EYA1: variants seen among roughly 807,000 people sequenced by gnomAD.
EYA1 encodes the protein protein phosphatase EYA1.
Under a neutral mutation model 82.0 loss-of-function variants are expected in EYA1, and 16 were observed. The observed-to-expected ratio is 0.20, with a 90% CI of 0.13 to 0.30. The LOEUF (loss-of-function observed/expected upper bound fraction) is 0.30, where lower values mean the gene tolerates loss of function less well. EYA1 is among the 10% of genes least tolerant of loss of function. EYA1 has a pLI of 1.00. For synonymous variants in EYA1, 261 were observed against 264.4 expected, an observed-to-expected ratio of 0.99 and a Z score of 0.12; for missense variants, 633 against 730.7, an observed-to-expected ratio of 0.87 and a Z score of 1.54.
At chr8:71,442,070 G>A (rs1018579018) in intron 2 of EYA1, among the ~76,000 whole-genome samples, 1 of 152,180 alleles carries the variant, frequency 6.6e-6, no homozygotes, top group Admixed American at 6.5e-5. Context: ...TGCTGCTTAA[G>A]CCACCTAGTT....
intron 7 of EYA1, among the ~76,000 whole-genome samples, chr8:71,301,738 C>A (rs1203153811): frequency 6.6e-6 from 1 of 152,120 alleles, no homozygotes; most frequent in Non-Finnish European, 1.5e-5. Context: ...TAGTAGCCAC[C>A]ACAATTAGCC....
intron 4 of EYA1, among the ~76,000 whole-genome samples, chr8:71,332,812 A>T (rs1337997568): frequency 6.6e-6 from 1 of 152,164 alleles, no homozygotes. Flanking sequence ...TACACACACC[A>T]GGAACCCTGA....
intron 2 of EYA1, among the ~76,000 whole-genome samples, chr8:71,411,777 G>A (rs1218718536): frequency 2.1e-5 from 3 of 143,268 alleles, no homozygotes; most frequent in Admixed American, 6.9e-5. Context: ...TTACACTGTT[G>A]CTGGGACTGT....
intron 2 of EYA1, among the ~76,000 whole-genome samples, chr8:71,483,009 C>T (rs1810289808): frequency 6.6e-6 from 1 of 152,150 alleles, no homozygotes; most frequent in Non-Finnish European, 1.5e-5. Flanking sequence ...CTGAATTGGT[C>T]ACCTGATTCT....
intron 2 of EYA1, among the ~76,000 whole-genome samples, chr8:71,516,736 C>T (rs1027211807): frequency 2.0e-5 from 3 of 152,028 alleles, no homozygotes; most frequent in Non-Finnish European, 4.4e-5. Flanking sequence ...CTGGGCTTTC[C>T]CACATTCCTG....
In EYA1 at chr8:71,313,199, G is replaced by A. The variant is rs972006; in HGVS notation, c.556+4353C>T. Among the ~76,000 whole-genome samples, 958 of 151,884 alleles carry A rather than the reference G, an allele frequency of 6.3e-3. 12 individuals carry two copies. Among genetic ancestry groups the A allele is most frequent in the African/African-American group, 0.022 (907 of 41,380 alleles). On this transcript the variant is annotated intron_variant, in intron 7 of 17. Transcript: ENST00000340726. ...TTTTTCTTCATGTTGTTTCTCCCCC[G>A]CTTTTTCGGTATCATGTACAAAAAG...
chr8:71,476,936 A>AT (rs1257033571), intron 2 of EYA1, among the ~76,000 whole-genome samples: 4 of 152,048 alleles, frequency 2.6e-5, no homozygotes, highest in Non-Finnish European at 4.4e-5. Context: ...ATCTAGGTCG[A>AT]TTTTTTTTCA....
chr8:71,247,872 A>G (rs1442246254), intron 11 of EYA1, among the ~76,000 whole-genome samples: 1 of 152,190 alleles, frequency 6.6e-6, no homozygotes, highest in Non-Finnish European at 1.5e-5. Context: ...AACCATGTCA[A>G]TGAATCTTTT....
At chr8:71,238,131 ATTTTTT>A (rs375370160) in intron 12 of EYA1, among the ~76,000 whole-genome samples, 14 of 151,876 alleles carry the variant, frequency 9.2e-5, no homozygotes, top group African/African-American at 3.1e-4. Flanking sequence ...TCATTCTTTC[ATTTTTT>A]AACTGTTTAC....
At chr8:71,418,044 T>G (rs1467839943) in intron 2 of EYA1, among the ~76,000 whole-genome samples, 3 of 152,184 alleles carry the variant, frequency 2.0e-5, no homozygotes, top group Admixed American at 2.0e-4. Context: ...CATTCTTGCC[T>G]CATCTACTAA....
At chr8:71,285,805 T>C (rs1188454730) in intron 9 of EYA1, among the ~76,000 whole-genome samples, 1 of 152,224 alleles carries the variant, frequency 6.6e-6, no homozygotes, top group Non-Finnish European at 1.5e-5. Context: ...TTTTGCAAGG[T>C]AATTTCTTCC....
intron 6 of EYA1, among the ~76,000 whole-genome samples, chr8:71,321,347 T>C (rs766121318): frequency 6.6e-6 from 1 of 152,176 alleles, no homozygotes; most frequent in Non-Finnish European, 1.5e-5. Flanking sequence ...ACGTTCCTAA[T>C]CACAGCTAGG....
At position 71,394,213 on chromosome 8, in the gene EYA1, T is replaced by G. The variant is rs574120795; in HGVS notation, c.34-37702A>C. 4.3e-3 allele frequency among the ~76,000 whole-genome samples: 653 copies of G among 152,360 alleles called. 3 individuals carry two copies. Among genetic ancestry groups the G allele is most frequent in the South Asian group, 8.5e-3 (41 of 4,828 alleles). On this transcript the variant is annotated intron_variant, in intron 2 of 18. Coordinates refer to the EYA1 transcript ENST00000643681. ...TTAGCCCTTTGTCAGATGGGTAGATTGTAAAAATTTTCTCCCATTCTGTAG... is the reference window on the plus strand; with the variant it reads ...TTAGCCCTTTGTCAGATGGGTAGATGGTAAAAATTTTCTCCCATTCTGTAG...
intron 1 of EYA1, among the ~76,000 whole-genome samples, chr8:71,540,672 A>G (rs1005250415): frequency 5.3e-5 from 8 of 152,278 alleles, no homozygotes; most frequent in East Asian, 1.9e-4. Context: ...AAAATGGGTT[A>G]TATTTTGGAT....
chr8:71,309,938 C>T (rs1213027987), intron 7 of EYA1, among the ~76,000 whole-genome samples: 1 of 152,184 alleles, frequency 6.6e-6, no homozygotes, highest in Non-Finnish European at 1.5e-5. Context: ...TTATTTTCTT[C>T]TCTAAGTGAG....
intron 9 of EYA1, among the ~76,000 whole-genome samples, chr8:71,291,318 C>T (rs891468456): frequency 6.6e-6 from 1 of 152,172 alleles, no homozygotes; most frequent in Admixed American, 6.5e-5. Context: ...TTTCTTGTGC[C>T]TTGGCAGGGA....
At chr8:71,444,886 T>C (rs1806744417) in intron 2 of EYA1, among the ~76,000 whole-genome samples, 1 of 152,216 alleles carries the variant, frequency 6.6e-6, no homozygotes, top group Non-Finnish European at 1.5e-5. Flanking sequence ...ACCAACCTAT[T>C]TGTGGAAACT....
At chr8:71,307,955 T>C (rs2129011654) in intron 7 of EYA1, among the ~76,000 whole-genome samples, 1 of 152,356 alleles carries the variant, frequency 6.6e-6, no homozygotes, top group Admixed American at 6.5e-5. Flanking sequence ...AAATTCAGAA[T>C]GCAATAACAT....
intron 11 of EYA1, among the ~76,000 whole-genome samples, chr8:71,268,643 T>C (rs530266374): frequency 1.3e-5 from 2 of 152,326 alleles, no homozygotes; most frequent in African/African-American, 4.8e-5. Context: ...ACCGATATAT[T>C]ATCTCGGAAC....
Sources: gnomAD v4.1 joint callset for allele counts (sites outside exome capture counted in the v4.1 genomes callset) on GRCh38, gnomAD v4.1.1 for gene constraint, MANE v1.5 for transcripts, NCBI Gene and HGNC (gene_info 2026-07-23, HGNC 2026-07-21) for gene names.